The following FANCA variants were observed in gnomAD, a reference collection of about 807,000 sequenced individuals.
FANCA encodes the protein FA complementation group A, also known as Fanconi anemia group A protein.
Under a neutral mutation model 194.3 loss-of-function variants are expected in FANCA, and 236 were observed. The ratio of observed to expected loss-of-function variants is 1.21; its 90% confidence interval spans 1.09 to 1.35. The LOEUF (loss-of-function observed/expected upper bound fraction) is 1.35, where lower values mean the gene tolerates loss of function less well. Ranked by LOEUF, FANCA falls within the 40% of genes most tolerant of loss-of-function variation. The pLI, the probability that FANCA is intolerant of heterozygous loss-of-function variation, is 0.00. For synonymous variants in FANCA, 1,014 were observed against 715.8 expected, an observed-to-expected ratio of 1.42 and a Z score of -6.65; for missense variants, 2,628 against 1,813.9, an observed-to-expected ratio of 1.45 and a Z score of -8.15.
chr16:89,751,801 C>G (rs189937957), intron 31 of FANCA, among the ~76,000 whole-genome samples: 2 of 150,876 alleles, frequency 1.3e-5, no homozygotes, highest in Non-Finnish European at 2.9e-5. Flanking sequence ...GAGTCTCACT[C>G]TGTCGCCCGC....
intron 5 of FANCA, 35 bp from the exon 6 acceptor site, chr16:89,808,402 CAAAAAA>C (rs761878071): frequency 6.9e-6 from 11 of 1,604,090 alleles, no homozygotes; most frequent in Admixed American, 3.3e-5. Flanking sequence ...AAAACAAAAA[CAAAAAA>C]ACCCCCAGCA....
At chr16:89,782,940 A>C in intron 16 of FANCA, 22 bp from the exon 17 acceptor site, 1 of 1,613,646 alleles carries the variant, frequency 6.2e-7, no homozygotes, top group Non-Finnish European at 8.5e-7. Context: ...ACACAGAATG[A>C]GAACAAGAAA....
chr16:89,764,938 G>C lies in FANCA; in HGVS notation c.2730C>G (p.Leu910=), dbSNP rs749774911. The C allele has an allele frequency of 6.2e-7, 1 of 1,613,822 alleles. No individual in the cohort carries two copies. Residue 910 remains leucine, a synonymous_variant, in exon 28 of 43, where the codon CTC becomes CTG. Transcript: ENST00000389301. ...SADWQRAALS[L]WTHRTFREVL... ...CCTCTCGGAAGGTTCTGTGTGTCCA[G>C]AGAGAGAGGGCAGCTCTCTGCCAGT...
chr16:89,746,523 G>C, intron 35 of FANCA, 61 bp downstream of exon 35: 1 of 1,307,492 alleles, frequency 7.6e-7, no homozygotes. Context: ...GATGCCAGAG[G>C]CAGCTGTGGA....
In FANCA at chr16:89,739,543, C is replaced by G. The variant is rs941282193; in HGVS notation, c.3945G>C (p.Leu1315=). 2.6e-6 allele frequency: 4 copies of G among 1,551,298 alleles called. No individual in the cohort carries two copies. The highest frequency in any genetic ancestry group is 1.4e-5 in the African/African-American group (1 of 73,184). Reference sequence around the variant, plus strand: ...GGGCCACACGGAGGAGGAGCCGCCCCAGCCTGAGGTCTGCAACACCAAGAA... The same window carrying G: ...GGGCCACACGGAGGAGGAGCCGCCCGAGCCTGAGGTCTGCAACACCAAGAA... ...LFQLTESDLR[L]GRLLLRVAPD... Residue 1315 remains leucine (L), a synonymous_variant, in exon 40 of 43, where the codon CTG becomes CTC. Coordinates refer to ENST00000389301, the MANE Select transcript of FANCA (RefSeq NM_000135.4).
At chr16:89,753,293 C>CACA (rs1403521918) in intron 30 of FANCA, among the ~76,000 whole-genome samples, 7 of 152,242 alleles carry the variant, frequency 4.6e-5, no homozygotes, top group African/African-American at 1.7e-4. Context: ...TAAGTAACAG[C>CACA]GCAGCCCGAC....
At chr16:89,815,794 T>C in intron 2 of FANCA, 83 bp downstream of exon 2, 1 of 1,149,750 alleles carries the variant, frequency 8.7e-7, no homozygotes, top group African/African-American at 1.5e-5. Flanking sequence ...CCTCGGGTGT[T>C]TTCTTAGGAA....
chr16:89,782,864 T>TA lies in FANCA; in HGVS notation c.1620dup (p.Thr541TyrfsTer2). ...CAGGGCTCAAGCAACATTACCTCAG[T>TA]AATGTCCCCAGCTGATGACAAATCC... On this transcript the variant is annotated frameshift_variant, in exon 17 of 43. Transcript: ENST00000389301. LOFTEE classifies it high-confidence loss of function. 6.2e-7 allele frequency: 1 copy of TA among 1,613,862 alleles called. No individual in the cohort carries two copies. Among genetic ancestry groups the TA allele is most frequent in the South Asian group, 1.1e-5 (1 of 91,080 alleles).
intron 38 of FANCA, chr16:89,740,343 A>G (rs2062098120): frequency 1.8e-6 from 1 of 550,160 alleles, no homozygotes; most frequent in Non-Finnish European, 3.3e-6. Flanking sequence ...TAAGACATTA[A>G]AAGAAAGGCC....
At chr16:89,798,529 A>T in intron 10 of FANCA, 1 of 1,107,342 alleles carries the variant, frequency 9.0e-7, no homozygotes, top group East Asian at 4.3e-5. Flanking sequence ...GTTTCTCAAG[A>T]CTTCACTTCA....
intron 38 of FANCA, 88 bp downstream of exon 38, chr16:89,740,716 G>T (rs1223058565): frequency 1.8e-6 from 2 of 1,111,388 alleles, no homozygotes; most frequent in African/African-American, 3.1e-5. Context: ...GAGCTAGTCT[G>T]GAAACCCTGA....
intron 8 of FANCA, among the ~76,000 whole-genome samples, chr16:89,799,839 A>AC (rs2040383075): frequency 6.6e-6 from 1 of 152,166 alleles, no homozygotes; most frequent in African/African-American, 2.4e-5. Flanking sequence ...TAAAAATACA[A>AC]AAAATTAGCC....
intron 3 of FANCA, among the ~76,000 whole-genome samples, chr16:89,811,982 C>T (rs1387718396): frequency 3.3e-5 from 5 of 151,428 alleles, no homozygotes; most frequent in East Asian, 4.0e-4. Context: ...CCGCCCGCCT[C>T]GGCCTCCCAT....
intron 23 of FANCA, among the ~76,000 whole-genome samples, chr16:89,771,464 TTAAA>T (rs2039323106): frequency 6.6e-6 from 1 of 151,944 alleles, no homozygotes; most frequent in Non-Finnish European, 1.5e-5. Context: ...GTCTCCAAAA[TTAAA>T]TAAATAAATA....
chr16:89,771,211 C>A (rs1225680373), intron 23 of FANCA, among the ~76,000 whole-genome samples: 1 of 147,004 alleles, frequency 6.8e-6, no homozygotes, highest in Non-Finnish European at 1.5e-5. Context: ...ATAATCCCAA[C>A]ACTTTGGGAG....
intron 22 of FANCA, 35 bp downstream of exon 22, chr16:89,773,236 C>G: frequency 3.4e-6 from 5 of 1,486,806 alleles, no homozygotes; most frequent in Non-Finnish European, 4.6e-6. Context: ...AGGCTGCACA[C>G]ATGAGACACA....
In FANCA at chr16:89,791,319, G is replaced by C. The variant is rs563466976; in HGVS notation, c.1359+84C>G. 3.4e-5 allele frequency: 53 copies of C among 1,544,626 alleles called. No individual in the cohort carries two copies. The South Asian group carries it at 5.0e-4, about 15-fold the overall frequency. On this transcript the variant is annotated intron_variant, in intron 14 of 42. Transcript: ENST00000389301. ...CAAGGTTGCTCACTCACATGACAGAGAATCAGGTGGGGACAGCATGGTCCC... is the reference window on the plus strand; with the variant it reads ...CAAGGTTGCTCACTCACATGACAGACAATCAGGTGGGGACAGCATGGTCCC...
chr16:89,767,170 T>C lies in FANCA; in HGVS notation c.2572A>G (p.Ser858Gly), dbSNP rs1451703154. ...FSSQSRDTLC[S>G]CLSPGLIKKF... The stretch of plus-strand genomic sequence containing the variant: ...TTAATAAGGCCTGGAGATAAGCAGC[T>C]GCACAAAGTATCTCGTGACTGGGAA... Residue 858 changes from serine to glycine, a missense_variant, in exon 27 of 43, where the codon AGC becomes GGC. Ser to Gly is a moderately conservative substitution (Grantham distance 56). Coordinates refer to ENST00000389301, the MANE Select transcript of FANCA (RefSeq NM_000135.4). 5 of 1,613,722 alleles carry C rather than the reference T, an allele frequency of 3.1e-6. No individual in the cohort carries two copies. The highest frequency in any genetic ancestry group is 3.4e-6 in the Non-Finnish European group (4 of 1,179,618).
Position 89,746,736 on chromosome 16 carries a change from A to T in FANCA, c.3409-48T>A, listed in dbSNP as rs768778150. 3.1e-6 allele frequency: 5 copies of T among 1,604,640 alleles called. No individual in the cohort carries two copies. The African/African-American group carries it at 4.0e-5, about 13-fold the overall frequency. On this transcript the variant is annotated intron_variant, in intron 34 of 42. Transcript: ENST00000389301. ...AGGTCAGCGGTTTGTGAGGACCCAC[A>T]ACTAGTAGAGTGAAGGAACTCACAG...
Sources: allele counts gnomAD v4.1 joint callset (sites outside exome capture counted in the v4.1 genomes callset), GRCh38; gene constraint gnomAD v4.1.1; transcripts MANE v1.5; gene names NCBI Gene and HGNC (gene_info 2026-07-23, HGNC 2026-07-21).